TRIM17: variants seen among roughly 807,000 people sequenced by gnomAD.
The protein encoded by TRIM17 is tripartite motif containing 17, also known as E3 ubiquitin-protein ligase TRIM17.
Under a neutral mutation model 35.8 loss-of-function variants are expected in TRIM17, and 27 were observed. That is an observed-to-expected ratio of 0.75 (90% CI 0.56 to 1.04). The LOEUF (loss-of-function observed/expected upper bound fraction) is 1.04. Among genes scored for constraint, TRIM17 ranks in the 50% least tolerant of loss-of-function variants. TRIM17 has a pLI of 0.00. For synonymous variants in TRIM17, 246 were observed against 252.6 expected, an observed-to-expected ratio of 0.97 and a Z score of 0.25; for missense variants, 582 against 612.8, an observed-to-expected ratio of 0.95 and a Z score of 0.53.
At chr1:228,414,267 G>A (rs1211581537) in intron 2 of TRIM17, among the ~76,000 whole-genome samples, 1 of 152,180 alleles carries the variant, frequency 6.6e-6, no homozygotes, top group Non-Finnish European at 1.5e-5. Context: ...TACATGTTTG[G>A]CTCTAACATG....
At chr1:228,414,124 G>T (rs1053657651) in intron 2 of TRIM17, among the ~76,000 whole-genome samples, 1 of 152,238 alleles carries the variant, frequency 6.6e-6, no homozygotes, top group Admixed American at 6.5e-5. Context: ...AAGAGCAGAA[G>T]GCACAGCCAC....
chr1:228,408,192 G>C lies in TRIM17; in HGVS notation c.*9C>G. 9 of 1,515,104 alleles carry C rather than the reference G, an allele frequency of 5.9e-6. No individual in the cohort carries two copies. Among genetic ancestry groups the C allele is most frequent in the Non-Finnish European group, 8.0e-6 (9 of 1,132,042 alleles). The allele number at this position is 1,515,104 out of a possible 1,614,324, so 93.9% of individuals were successfully genotyped here. ...GCCAGGAGCAGTGCCCGAGTCCCCC[G>C]GTCTGTGTCTATCCTTTCACCCACA... On this transcript the variant is annotated 3_prime_UTR_variant, in exon 7 of 7. Coordinates refer to ENST00000366698, the MANE Select transcript of TRIM17 (RefSeq NM_016102.4). This position sits in a 1 kb window ranked among gnomAD's most constrained non-coding sequence, Gnocchi z 6.3.
In TRIM17 at chr1:228,408,282, G is replaced by A. The variant is rs200718874; in HGVS notation, c.1353C>T (p.Pro451=). 2.0e-4 allele frequency: 312 copies of A among 1,599,462 alleles called. 1 individual carries two copies. In the Middle Eastern group the frequency reaches 2.2e-3, roughly 11 times the overall value. Residue 451 remains proline, a synonymous_variant, in exon 7 of 7, where the codon CCC becomes CCT. Coordinates refer to ENST00000366698, the MANE Select transcript of TRIM17 (RefSeq NM_016102.4). This position sits in a 1 kb window ranked among gnomAD's most constrained non-coding sequence, Gnocchi z 6.3. The stretch of plus-strand genomic sequence containing the variant: ...CCCCCAGGCAGAAGAAAGGCTGCAG[G>A]GGGCCTGGGAAGGTGGCCTGGGAGT... ...HTYSQATFPG[P]LQPFFCLGAP...
chr1:228,409,405 T>A lies in TRIM17; in HGVS notation c.763A>T (p.Lys255Ter). 1 of 1,548,688 alleles carries A rather than the reference T, an allele frequency of 6.5e-7. No homozygotes were observed. The highest frequency in any genetic ancestry group is 8.7e-7 in the Non-Finnish European group (1 of 1,149,864). ...QGPLQMLQDM[K>*]EPLSRKNNVS... ...ACCACATACCTGCTCAGGGGTTCCT[T>A]CATGTCCTGCAAAAGACAGGGACGG... Residue 255 changes from lysine to a stop codon, truncating the protein, a stop_gained, in exon 5 of 7, where the codon AAG becomes TAG. Transcript: ENST00000366698. LOFTEE classifies it high-confidence loss of function.
rs767512167 is a variant in TRIM17 at position 228,408,605 on chromosome 1, T to G, written c.1030A>C (p.Thr344Pro). 6.2e-7 allele frequency: 1 copy of G among 1,613,914 alleles called. No individual in the cohort carries two copies. Reference protein sequence around the residue: ...FVAYPCAVGQTAFSSGRHYWE... With the variant: ...FVAYPCAVGQPAFSSGRHYWE... ...TAGTGCCTCCCAGAGGAGAAGGCCG[T>G]CTGGCCCACAGCACAGGGGTAAGCC... is the stretch of plus-strand genomic sequence containing the variant. The change falls in exon 7 of 7, where the codon ACG becomes CCG. Residue 344 changes from threonine (T) to proline (P), a missense_variant. By Grantham distance (38) the Thr-to-Pro change is conservative. Transcript: ENST00000366698. This position sits in a 1 kb window ranked among gnomAD's most constrained non-coding sequence, Gnocchi z 6.3.
At chr1:228,409,738 G>A (rs1458186102) in intron 4 of TRIM17, 3 of 333,896 alleles carry the variant, frequency 9.0e-6, no homozygotes, top group Non-Finnish European at 1.6e-5. Flanking sequence ...ATTTCAGGTG[G>A]GTGCAGCCCA....
chr1:228,416,548 G>T lies in TRIM17; in HGVS notation c.-51C>A. The T allele has an allele frequency of 3.0e-6, 3 of 985,472 alleles. No homozygotes were observed. Among genetic ancestry groups the T allele is most frequent in the Middle Eastern group, 5.2e-4 (1 of 1,914 alleles). The allele number at this position is 985,472 out of a possible 1,614,324, so 61.0% of individuals were successfully genotyped here. A position where few individuals can be genotyped will look rare whatever the true frequency, so the allele number is the denominator to read the frequency against. On this transcript the variant is annotated 5_prime_UTR_variant, in exon 1 of 7. Transcript: ENST00000366698. ...GGTGGGGGCTACTCACCGCGGGGAA[G>T]GGGGGCCCGCACAGCGCCTAGTGCA...
Position 228,414,699 on chromosome 1 carries a change from C to T in TRIM17, c.374G>A (p.Arg125Gln), listed in dbSNP as rs182300454. 1.0e-4 allele frequency: 161 copies of T among 1,612,076 alleles called. No homozygotes were observed. Among genetic ancestry groups the T allele is most frequent in the Non-Finnish European group, 1.2e-4 (147 of 1,180,030 alleles). Residue 125 changes from arginine (R) to glutamine (Q), a missense_variant, in exon 2 of 7, where the codon CGG (arginine) becomes CAG (glutamine). Arg to Gln is a conservative substitution (Grantham distance 43). Transcript: ENST00000366698. ...SPICVVCRES[R>Q]EHRLHRVLPA... The stretch of plus-strand genomic sequence containing the variant: ...CAGCACCCTGTGCAGCCGGTGCTCC[C>T]GGGACTCCCTGCACACCACACAGAT...
In TRIM17 at chr1:228,414,669, G is replaced by A. The variant is rs1306073347; in HGVS notation, c.404C>T (p.Ala135Val). 9.9e-6 allele frequency: 16 copies of A among 1,611,454 alleles called. No homozygotes were observed. Among genetic ancestry groups the A allele is most frequent in the Non-Finnish European group, 1.2e-5 (14 of 1,180,000 alleles). Residue 135 changes from alanine (A) to valine (V), a missense_variant, in exon 2 of 7, where the codon GCC (alanine) becomes GTC (valine). Ala to Val is a moderately conservative substitution (Grantham distance 64, BLOSUM62 0). Coordinates refer to ENST00000366698, the MANE Select transcript of TRIM17 (RefSeq NM_016102.4). ...CTTGTACCCCTGCACTGCCTCCTCGGCGGGCAGCACCCTGTGCAGCCGGTG... is the reference window on the plus strand; with the variant it reads ...CTTGTACCCCTGCACTGCCTCCTCGACGGGCAGCACCCTGTGCAGCCGGTG... ...REHRLHRVLP[A>V]EEAVQGYKLK...
At position 228,411,152 on chromosome 1, in the gene TRIM17, G is replaced by T. The variant is rs147811733; in HGVS notation, c.550C>A (p.Arg184Ser). 7.4e-6 allele frequency: 12 copies of T among 1,612,452 alleles called. No individual in the cohort carries two copies. The highest frequency in any genetic ancestry group is 3.3e-5 in the Admixed American group (2 of 59,756). Residue 184 changes from arginine to serine, a missense_variant, in exon 4 of 7, where the codon CGC (arginine) becomes AGC (serine). By Grantham distance (110) the Arg-to-Ser change is moderately radical. Transcript: ENST00000366698. This position sits in a 1 kb window ranked among gnomAD's most constrained non-coding sequence, Gnocchi z 4.2. ...WQGKVKERRE[R>S]IVLEFEKMNL... The stretch of plus-strand genomic sequence containing the variant: ...ATCTTCTCAAACTCCAGCACAATGC[G>T]TTCTCTCCGCTCCTTCACCTTGCCC...
intron 1 of TRIM17, among the ~76,000 whole-genome samples, chr1:228,416,229 C>T (rs1657114313): frequency 6.6e-6 from 1 of 152,232 alleles, no homozygotes; most frequent in Non-Finnish European, 1.5e-5. Context: ...CCACCCGGCG[C>T]CAGCCCTCCG....
Position 228,409,238 on chromosome 1 carries a change from G to A in TRIM17, c.817C>T (p.Pro273Ser). 1 of 1,613,912 alleles carries A rather than the reference G, an allele frequency of 6.2e-7. No homozygotes were observed. The highest frequency in any genetic ancestry group is 8.5e-7 in the Non-Finnish European group (1 of 1,179,946). ...CACACAGTCCTGGGTCTGGTTGGGGGGGCAACCTCTGGGCACTGCACACTC... is the reference window on the plus strand; with the variant it reads ...CACACAGTCCTGGGTCTGGTTGGGGAGGCAACCTCTGGGCACTGCACACTC... ...NVSVQCPEVA[P>S]PTRPRTVCRV... Residue 273 changes from proline (P) to serine (S), a missense_variant, in exon 6 of 7, where the codon CCC becomes TCC. Transcript: ENST00000366698.
rs1574097159 is a variant in TRIM17 at position 228,411,085 on chromosome 1, GC to G, written c.616del (p.Ala206LeufsTer49). The G allele has an allele frequency of 6.2e-7, 1 of 1,613,950 alleles. No homozygotes were observed. Among genetic ancestry groups the G allele is most frequent in the African/African-American group, 1.3e-5 (1 of 74,932 alleles). ...LVEEEQRLLQ[A>X]LETEEEETAS... ...AGTCTCCTCTTCTTCCGTCTCCAGA[GC>G]CTGGAGGAGCCTCTGCTCTTCTTCC... On this transcript the variant is annotated frameshift_variant, in exon 4 of 7. Transcript: ENST00000366698. LOFTEE classifies it high-confidence loss of function. The surrounding 1 kb of genome is among the most constrained non-coding windows in gnomAD (Gnocchi z 4.2).
chr1:228,412,742 C>T (rs374967139), intron 3 of TRIM17, among the ~76,000 whole-genome samples: 15 of 151,990 alleles, frequency 9.9e-5, no homozygotes, highest in African/African-American at 3.4e-4. Flanking sequence ...TGTGCTCCAG[C>T]CTGGGCCACA....
Position 228,411,162 on chromosome 1 carries a change from C to G in TRIM17, c.540G>C (p.Glu180Asp), listed in dbSNP as rs1258042907. Reference protein sequence around the residue: ...SLAEWQGKVKERRERIVLEFE... With the variant: ...SLAEWQGKVKDRRERIVLEFE... Reference sequence around the variant, plus strand: ...ACTCCAGCACAATGCGTTCTCTCCGCTCCTTCACCTTGCCCTGCAGGAGTG... The same window carrying G: ...ACTCCAGCACAATGCGTTCTCTCCGGTCCTTCACCTTGCCCTGCAGGAGTG... Residue 180 changes from glutamate to aspartate, a missense_variant, in exon 4 of 7, where the codon GAG (glutamate) becomes GAC (aspartate). Physicochemically the swap from Glu to Asp is conservative, Grantham distance 45. Coordinates refer to ENST00000366698, the MANE Select transcript of TRIM17 (RefSeq NM_016102.4). The surrounding 1 kb of genome is among the most constrained non-coding windows in gnomAD (Gnocchi z 4.2). 6.2e-7 allele frequency: 1 copy of G among 1,610,440 alleles called. No individual in the cohort carries two copies. Among genetic ancestry groups the G allele is most frequent in the Non-Finnish European group, 8.5e-7 (1 of 1,178,292 alleles).
Position 228,413,860 on chromosome 1 carries a change from C to T in TRIM17, c.462G>A (p.Arg154=). 6.2e-7 allele frequency: 1 copy of T among 1,614,188 alleles called. No homozygotes were observed. Among genetic ancestry groups the T allele is most frequent in the East Asian group, 2.2e-5 (1 of 44,880 alleles). Residue 154 remains arginine, a synonymous_variant, in exon 3 of 7, where the codon CGG becomes CGA. Transcript: ENST00000366698. ...LKLEEDMEYL[R]EQITRTGNLQ... ...GATTCCCTGTCCTGGTGATCTGCTC[C>T]CGAAGGTACTCCATGTCCTCCTCCA...
rs770347957 is a variant in TRIM17 at position 228,415,049 on chromosome 1, T to G, written c.24A>C (p.Arg8Ser). 6.2e-7 allele frequency: 1 copy of G among 1,605,054 alleles called. No individual in the cohort carries two copies. Among genetic ancestry groups the G allele is most frequent in the Admixed American group, 1.7e-5 (1 of 59,892 alleles). Residue 8 changes from arginine (R) to serine (S), a missense_variant, in exon 2 of 7, where the codon AGA (arginine) becomes AGC (serine). Transcript: ENST00000366698. MEAVELA[R>S]KLQEEATCSI... ...AGCACGTAGCTTCCTCCTGCAGTTT[T>G]CTGGCGAGTTCCACAGCCTCCATGG... is the stretch of plus-strand genomic sequence containing the variant.
intron 4 of TRIM17, chr1:228,409,709 A>G (rs1656674018): frequency 4.1e-6 from 1 of 244,418 alleles, no homozygotes; most frequent in Non-Finnish European, 7.7e-6. Flanking sequence ...TGGCCACTCA[A>G]CACTGACCCT....
In TRIM17 at chr1:228,408,239, T is replaced by G. The variant is rs1335170214; in HGVS notation, c.1396A>C (p.Met466Leu). ...CACATGGTCACTGTGGAGATGACCA[T>G]CTGACCAGACTTCGGAGCCCCCAGG... ...FCLGAPKSGQ[M>L]VISTVTMWVK... Residue 466 changes from methionine to leucine, a missense_variant, in exon 7 of 7, where the codon ATG (methionine) becomes CTG (leucine). Transcript: ENST00000366698. This position sits in a 1 kb window ranked among gnomAD's most constrained non-coding sequence, Gnocchi z 6.3. The G allele has an allele frequency of 3.2e-6, 5 of 1,559,652 alleles. No individual in the cohort carries two copies. The African/African-American group carries it at 6.8e-5, about 21-fold the overall frequency.
Sources: allele counts gnomAD v4.1 joint callset (sites outside exome capture counted in the v4.1 genomes callset), GRCh38; gene constraint gnomAD v4.1.1; non-coding constraint Gnocchi (gnomAD v3.1); transcripts MANE v1.5; gene names NCBI Gene and HGNC (gene_info 2026-07-23, HGNC 2026-07-21).